SLC35E3: variants seen among roughly 807,000 people sequenced by gnomAD.
SLC35E3 encodes solute carrier family 35 member E3.
A neutral mutation model predicts 30.8 loss-of-function variants in SLC35E3; 28 were observed. The observed-to-expected ratio is 0.91, with a 90% CI of 0.67 to 1.25. The LOEUF (loss-of-function observed/expected upper bound fraction) is 1.25, where lower values mean the gene tolerates loss of function less well. Ranked by LOEUF, SLC35E3 falls within the 50% of genes most tolerant of loss-of-function variation. SLC35E3 has a pLI of 0.00. For synonymous variants in SLC35E3, 146 were observed against 149.2 expected (o/e 0.98, Z 0.16); for missense variants, 365 against 375.4 (o/e 0.97, Z 0.23).
chr12:68,766,080 A>C lies in SLC35E3; in HGVS notation c.*1190A>C, dbSNP rs753725079. On this transcript the variant is annotated 3_prime_UTR_variant, in exon 5 of 5. Coordinates refer to ENST00000398004, the MANE Select transcript of SLC35E3 (RefSeq NM_018656.5). Reference sequence around the variant, plus strand: ...ACTGTAAGACAAAATCCAATTCTAAAAGTATGATTTTTTTCTAGTAGAAAA... The same window carrying C: ...ACTGTAAGACAAAATCCAATTCTAACAGTATGATTTTTTTCTAGTAGAAAA... 6.6e-6 allele frequency: 1 copy of C among 152,098 alleles called. No individual in the cohort carries two copies. Among genetic ancestry groups the C allele is most frequent in the Non-Finnish European group, 1.5e-5 (1 of 68,016 alleles). 9.4% of individuals were successfully genotyped at this position (152,098 alleles called of 1,614,324 possible).
rs1565709933 is a variant in SLC35E3 at position 68,746,579 on chromosome 12, G to GC, written c.207dup (p.Lys70GlnfsTer23). On this transcript the variant is annotated frameshift_variant, in exon 1 of 5. Transcript: ENST00000398004. LOFTEE classifies it high-confidence loss of function. The stretch of plus-strand genomic sequence containing the variant: ...TATCTGCCAGAAGCTGGACATCTTT[G>GC]CCCCCAAAAGTCTGCCGCCCTCCAG... 6.2e-7 allele frequency: 1 copy of GC among 1,614,160 alleles called. No individual in the cohort carries two copies.
intron 4 of SLC35E3, among the ~76,000 whole-genome samples, chr12:68,763,375 G>A (rs1565717633): frequency 6.6e-6 from 1 of 152,120 alleles, no homozygotes; most frequent in African/African-American, 2.4e-5. Flanking sequence ...TTGTGTGTGT[G>A]TGTGTGTGTC....
At chr12:68,763,080 C>T (rs1879278184) in intron 4 of SLC35E3, among the ~76,000 whole-genome samples, 1 of 152,186 alleles carries the variant, frequency 6.6e-6, no homozygotes, top group Admixed American at 6.5e-5. Context: ...TGTCAAGCAC[C>T]AAGCAGGTGT....
In SLC35E3 at chr12:68,747,896, AAT is replaced by A; in HGVS notation, c.403-33_403-32del. On this transcript the variant is annotated intron_variant, in intron 1 of 4. Coordinates refer to ENST00000398004, the MANE Select transcript of SLC35E3 (RefSeq NM_018656.5). ...TACTAAATTTTTGTCTCTTGAATTT[AAT>A]CTGAACAACATTTACCTCTTTTTCG... is the stretch of plus-strand genomic sequence containing the variant. The A allele has an allele frequency of 2.6e-6, 3 of 1,160,578 alleles. 1 individual carries two copies. In the Admixed American group the frequency reaches 5.6e-5, roughly 22 times the overall value. 71.9% of individuals were successfully genotyped at this position (1,160,578 alleles called of 1,614,324 possible). A position where few individuals can be genotyped will look rare whatever the true frequency, so the allele number is the denominator to read the frequency against.
At position 68,781,098 on chromosome 12, in the gene SLC35E3, G is replaced by T. The variant is rs1172082193; in HGVS notation, c.*16208G>T. 7.8e-6 allele frequency: 1 copy of T among 127,966 alleles called. No individual in the cohort carries two copies. The highest frequency in any genetic ancestry group is 1.5e-5 in the Non-Finnish European group (1 of 67,772). The allele number at this position is 127,966 out of a possible 1,614,324, so 7.9% of individuals were successfully genotyped here. A position where few individuals can be genotyped will look rare whatever the true frequency, so the allele number is the denominator to read the frequency against. On this transcript the variant is annotated 3_prime_UTR_variant, in exon 5 of 5. Coordinates refer to ENST00000398004, the MANE Select transcript of SLC35E3 (RefSeq NM_018656.5). ...ATGTCTTTGGGGAAGAAAAATTCAGGATGAGTTTATTGAGAGCATTATTTT... is the reference window on the plus strand; with the variant it reads ...ATGTCTTTGGGGAAGAAAAATTCAGTATGAGTTTATTGAGAGCATTATTTT...
At chr12:68,762,110 G>A (rs1879249105) in intron 4 of SLC35E3, among the ~76,000 whole-genome samples, 1 of 152,096 alleles carries the variant, frequency 6.6e-6, no homozygotes, top group Non-Finnish European at 1.5e-5. Context: ...ACAGGTGTGA[G>A]CCACCGTGCC....
chr12:68,750,851 G>C (rs1186819064), intron 2 of SLC35E3, among the ~76,000 whole-genome samples: 1 of 152,080 alleles, frequency 6.6e-6, no homozygotes, highest in Non-Finnish European at 1.5e-5. Context: ...TTTTTGTCTT[G>C]ATGGATTTCT....
rs1878549668 is a variant in SLC35E3, at chr12:68,746,333, C to T, written c.-45C>T. The T allele has an allele frequency of 6.6e-7, 1 of 1,525,218 alleles. No homozygotes were observed. Among genetic ancestry groups the T allele is most frequent in the Admixed American group, 2.2e-5 (1 of 46,396 alleles). The allele number at this position is 1,525,218 out of a possible 1,614,324, so 94.5% of individuals were successfully genotyped here. ...AGTAGAAGGGCAGCCGGAGACAGGCCCGGCGCCCCTTCCGAGGCTAGACGG... is the reference window on the plus strand; with the variant it reads ...AGTAGAAGGGCAGCCGGAGACAGGCTCGGCGCCCCTTCCGAGGCTAGACGG... On this transcript the variant is annotated 5_prime_UTR_variant, in exon 1 of 5. Transcript: ENST00000398004.
rs1370277386 is a variant in SLC35E3 at position 68,775,188 on chromosome 12, CA to C, written c.*10300del. On this transcript the variant is annotated 3_prime_UTR_variant, in exon 5 of 5. Transcript: ENST00000398004. ...TTATTACTCGTAGCTGCAAGAATGC[CA>C]ATGAGCATTTGGGGTAAAAAGGGGC... 2.0e-5 allele frequency: 3 copies of C among 152,074 alleles called. No homozygotes were observed. Among genetic ancestry groups the C allele is most frequent in the Admixed American group, 1.3e-4 (2 of 15,262 alleles). The allele number at this position is 152,074 out of a possible 1,614,324, so 9.4% of individuals were successfully genotyped here.
Position 68,774,803 on chromosome 12 carries a change from G to A in SLC35E3, c.*9913G>A, listed in dbSNP as rs1335087796. 3.8e-5 allele frequency: 5 copies of A among 132,972 alleles called. No individual in the cohort carries two copies. Among genetic ancestry groups the A allele is most frequent in the Admixed American group, 8.3e-5 (1 of 12,120 alleles). 8.2% of individuals were successfully genotyped at this position (132,972 alleles called of 1,614,324 possible). A position where few individuals can be genotyped will look rare whatever the true frequency, so the allele number is the denominator to read the frequency against. On this transcript the variant is annotated 3_prime_UTR_variant, in exon 5 of 5. Transcript: ENST00000398004. The stretch of plus-strand genomic sequence containing the variant: ...AGTGTTGAGCAGCTAAAACAATGCC[G>A]TTAGATGCCCTATCTCTTAAAAAAA...
intron 3 of SLC35E3, among the ~76,000 whole-genome samples, chr12:68,754,105 A>C (rs1316843825): frequency 6.6e-6 from 1 of 152,036 alleles, no homozygotes; most frequent in Non-Finnish European, 1.5e-5. Context: ...TCGGCCTCCC[A>C]AAGTGCTGGG....
intron 3 of SLC35E3, among the ~76,000 whole-genome samples, chr12:68,758,069 G>A (rs1435306322): frequency 2.0e-5 from 3 of 150,788 alleles, no homozygotes; most frequent in Non-Finnish European, 4.4e-5. Flanking sequence ...TCTAGACTAG[G>A]CGACAGAATG....
rs553101349 is a variant in SLC35E3, at chr12:68,757,943, T to A, written c.673-1214T>A. 7.4e-4 allele frequency among the ~76,000 whole-genome samples: 109 copies of A among 147,734 alleles called. 1 individual carries two copies. Among genetic ancestry groups the A allele is most frequent in the African/African-American group, 2.5e-3 (100 of 39,886 alleles). On this transcript the variant is annotated intron_variant, in intron 3 of 4. Coordinates refer to ENST00000398004, the MANE Select transcript of SLC35E3 (RefSeq NM_018656.5). ...TCTCTACCAAAAAATTCAAAAAAAATTAGGTGGGTGTGGTGGCATGGGCCT... is the reference window on the plus strand; with the variant it reads ...TCTCTACCAAAAAATTCAAAAAAAAATAGGTGGGTGTGGTGGCATGGGCCT...
chr12:68,756,024 G>T (rs908685846), intron 3 of SLC35E3, among the ~76,000 whole-genome samples: 1 of 151,994 alleles, frequency 6.6e-6, no homozygotes, highest in Non-Finnish European at 1.5e-5. Context: ...ATGCCTTCTG[G>T]GTCCAAAGTC....
At position 68,774,815 on chromosome 12, in the gene SLC35E3, A is replaced by G. The variant is rs887534187; in HGVS notation, c.*9925A>G. The G allele has an allele frequency of 2.1e-4, 13 of 61,944 alleles. No homozygotes were observed. Among genetic ancestry groups the G allele is most frequent in the African/African-American group, 8.6e-4 (12 of 13,886 alleles). The allele number at this position is 61,944 out of a possible 1,614,324, so 3.8% of individuals were successfully genotyped here. A position where few individuals can be genotyped will look rare whatever the true frequency, so the allele number is the denominator to read the frequency against. On this transcript the variant is annotated 3_prime_UTR_variant, in exon 5 of 5. Coordinates refer to ENST00000398004, the MANE Select transcript of SLC35E3 (RefSeq NM_018656.5). Reference sequence around the variant, plus strand: ...CTAAAACAATGCCGTTAGATGCCCTATCTCTTAAAAAAAAAAAAAAAAAGA... The same window carrying G: ...CTAAAACAATGCCGTTAGATGCCCTGTCTCTTAAAAAAAAAAAAAAAAAGA...
chr12:68,752,041 G>GCCAAA lies in SLC35E3; in HGVS notation c.525_529dup (p.Gln177ProfsTer8). ...ATCTCCTAATTTTCAGTGGGTAGGA[G>GCCAAA]CCAAACAGCATGAATTACAAGTGAA... On this transcript the variant is annotated frameshift_variant, in exon 3 of 5. Coordinates refer to ENST00000398004, the MANE Select transcript of SLC35E3 (RefSeq NM_018656.5). LOFTEE classifies it high-confidence loss of function. 6.3e-7 allele frequency: 1 copy of GCCAAA among 1,597,004 alleles called. No individual in the cohort carries two copies.
chr12:68,766,879 C>G lies in SLC35E3; in HGVS notation c.*1989C>G, dbSNP rs1879442394. 1 of 383,542 alleles carries G rather than the reference C, an allele frequency of 2.6e-6. No individual in the cohort carries two copies. The highest frequency in any genetic ancestry group is 5.3e-6 in the Non-Finnish European group (1 of 187,412). The allele number at this position is 383,542 out of a possible 1,614,324, so 23.8% of individuals were successfully genotyped here. A position where few individuals can be genotyped will look rare whatever the true frequency, so the allele number is the denominator to read the frequency against. On this transcript the variant is annotated 3_prime_UTR_variant, in exon 5 of 5. Transcript: ENST00000398004. ...GGATTACAGGCCTGAGCCACCACAC[C>G]TGGCCAGTAATTTCTTAATCCTACC...
rs758506018 is a variant in SLC35E3 at position 68,766,665 on chromosome 12, G to A, written c.*1775G>A. ...AGTGGCACAATCATGGCTCACTGCA[G>A]CCTCAGCCTCCTGGGCTCAAGCAAT... On this transcript the variant is annotated 3_prime_UTR_variant, in exon 5 of 5. Coordinates refer to ENST00000398004, the MANE Select transcript of SLC35E3 (RefSeq NM_018656.5). 7.7e-6 allele frequency: 3 copies of A among 392,116 alleles called. No homozygotes were observed. The highest frequency in any genetic ancestry group is 1.6e-5 in the Non-Finnish European group (3 of 192,078). The allele number at this position is 392,116 out of a possible 1,614,324, so 24.3% of individuals were successfully genotyped here.
At chr12:68,757,587 A>G (rs896824179) in intron 3 of SLC35E3, among the ~76,000 whole-genome samples, 3 of 152,200 alleles carry the variant, frequency 2.0e-5, no homozygotes, top group African/African-American at 7.2e-5. Flanking sequence ...GTATGTGAAA[A>G]TTAAATAAGT....
Sources: gnomAD v4.1 joint callset for allele counts (sites outside exome capture counted in the v4.1 genomes callset) on GRCh38, gnomAD v4.1.1 for gene constraint, MANE v1.5 for transcripts, NCBI Gene and HGNC (gene_info 2026-07-23, HGNC 2026-07-21) for gene names.